Variants in RAB27A observed in about 807,000 individuals in gnomAD.
RAB27A encodes ras-related protein Rab-27A.
RAB27A carries 17 observed loss-of-function variants against 20.8 expected under a neutral mutation model. That is an observed-to-expected ratio of 0.82 (90% CI 0.56 to 1.23). RAB27A has a LOEUF of 1.23. Ranked by LOEUF, RAB27A falls within the 50% of genes most tolerant of loss-of-function variation. RAB27A has a pLI of 0.00. For synonymous variants in RAB27A, 85 were observed against 92.8 expected, an observed-to-expected ratio of 0.92 and a Z score of 0.48; for missense variants, 277 against 266.7, an observed-to-expected ratio of 1.04 and a Z score of -0.27.
Position 55,204,205 on chromosome 15 carries a change from C to T in RAB27A, c.*1302G>A, listed in dbSNP as rs1033618651. ...AACCACTTTAATAAATAAGACTTTT[C>T]ACCTAAATGAAATACCTTTGAATTT... On this transcript the variant is annotated 3_prime_UTR_variant, in exon 7 of 7. Transcript: ENST00000336787. The T allele has an allele frequency of 6.6e-6, 1 of 152,140 alleles. No individual in the cohort carries two copies. Among genetic ancestry groups the T allele is most frequent in the Non-Finnish European group, 1.5e-5 (1 of 68,010 alleles). The allele number at this position is 152,140 out of a possible 1,614,324, so 9.4% of individuals were successfully genotyped here.
Position 55,313,888 on chromosome 15 carries a change from G to T in RAB27A, c.-112+151C>A, listed in dbSNP as rs1339925006. ...CTCAGGAGGCTGAGGCAGGAGAATAGTGTGAACCCGGAAGGTGGAGGTTGC... is the reference window on the plus strand; with the variant it reads ...CTCAGGAGGCTGAGGCAGGAGAATATTGTGAACCCGGAAGGTGGAGGTTGC... On this transcript the variant is annotated intron_variant, in intron 2 of 5. Transcript: ENST00000563262. 5 of 152,258 alleles carry T rather than the reference G, an allele frequency of 3.3e-5. 1 individual carries two copies. Among genetic ancestry groups the T allele is most frequent in the Admixed American group, 2.6e-4 (4 of 15,232 alleles). 9.4% of individuals were successfully genotyped at this position (152,258 alleles called of 1,614,324 possible).
chr15:55,283,132 G>C (rs2072047212), intron 1 of RAB27A, among the ~76,000 whole-genome samples: 1 of 152,116 alleles, frequency 6.6e-6, no homozygotes, highest in Non-Finnish European at 1.5e-5. Flanking sequence ...TGACATTTTA[G>C]GCAGGATAAT....
At chr15:55,252,436 A>G (rs1200038247) in intron 2 of RAB27A, among the ~76,000 whole-genome samples, 1 of 152,010 alleles carries the variant, frequency 6.6e-6, no homozygotes, top group Non-Finnish European at 1.5e-5. Flanking sequence ...CCCCATCTCT[A>G]CTAAAAAATA....
intron 6 of RAB27A, among the ~76,000 whole-genome samples, chr15:55,207,624 T>C (rs546543430): frequency 1.6e-4 from 24 of 152,350 alleles, no homozygotes; most frequent in East Asian, 1.3e-3. Context: ...CATGTAGCTA[T>C]TGAGCACTTA....
At chr15:55,292,638 C>T (rs145347913), upstream of RAB27A, among the ~76,000 whole-genome samples, 43 of 152,270 alleles carry the variant, frequency 2.8e-4, no homozygotes, top group African/African-American at 9.9e-4. Context: ...GGAAGAAAAC[C>T]TAGTTGCAAC....
At position 55,244,204 on chromosome 15, in the gene RAB27A, C is replaced by G. The variant is rs1441055114; in HGVS notation, c.-22-9248G>C. 3.9e-5 allele frequency among the ~76,000 whole-genome samples: 6 copies of G among 152,062 alleles called. No individual in the cohort carries two copies. In the East Asian group the frequency reaches 9.6e-4, roughly 24 times the overall value. ...TGATGGGTGCCTGTAATCCCAGCTA[C>G]TCAGCGGGGTTGAGGCAGGAGAATC... On this transcript the variant is annotated intron_variant, in intron 2 of 6. Coordinates refer to ENST00000336787, the MANE Select transcript of RAB27A (RefSeq NM_183235.3).
upstream of RAB27A, chr15:55,290,129 G>A (rs1898272140): frequency 6.6e-6 from 1 of 152,314 alleles, no homozygotes; most frequent in Admixed American, 6.5e-5. Flanking sequence ...GGTGCGCGGC[G>A]AGGTGTCGTT....
At chr15:55,243,328 G>A (rs992190997) in intron 2 of RAB27A, among the ~76,000 whole-genome samples, 5 of 152,206 alleles carry the variant, frequency 3.3e-5, no homozygotes, top group Admixed American at 1.3e-4. Context: ...GCTCGGCCCC[G>A]TTTTCTCTCA....
intron 6 of RAB27A, among the ~76,000 whole-genome samples, chr15:55,210,881 T>C (rs1253690891): frequency 1.3e-5 from 2 of 152,150 alleles, no homozygotes; most frequent in East Asian, 3.8e-4. Context: ...TTTCTTCTAG[T>C]AGTTTCATAG....
At chr15:55,275,684 A>G (rs920406785) in intron 1 of RAB27A, among the ~76,000 whole-genome samples, 1 of 152,018 alleles carries the variant, frequency 6.6e-6, no homozygotes, top group Non-Finnish European at 1.5e-5. Context: ...AAATCTGATC[A>G]GGGGTTAATA....
At chr15:55,226,993 TACCA>T in intron 5 of RAB27A, among the ~76,000 whole-genome samples, 1 of 152,178 alleles carries the variant, frequency 6.6e-6, no homozygotes, top group South Asian at 2.1e-4. Flanking sequence ...GATTTGATAT[TACCA>T]CTTCTGACAC....
intron 6 of RAB27A, among the ~76,000 whole-genome samples, chr15:55,209,889 C>T (rs1446314766): frequency 6.8e-5 from 7 of 103,208 alleles, no homozygotes; most frequent in African/African-American, 4.6e-4. Context: ...TGTGTGTATA[C>T]ATATATACAC....
At chr15:55,219,068 T>C (rs1895445997) in intron 6 of RAB27A, among the ~76,000 whole-genome samples, 1 of 151,976 alleles carries the variant, frequency 6.6e-6, no homozygotes, top group Non-Finnish European at 1.5e-5. Context: ...TTTTTCTCTA[T>C]TTTCCTCAAC....
intron 2 of RAB27A, among the ~76,000 whole-genome samples, chr15:55,300,746 G>A (rs149660552): frequency 1.3e-5 from 2 of 152,228 alleles, no homozygotes; most frequent in Admixed American, 1.3e-4. Flanking sequence ...GGGGGCGAGG[G>A]CAGGATGGTA....
chr15:55,256,233 A>G (rs544067544), intron 2 of RAB27A, among the ~76,000 whole-genome samples: 2 of 151,934 alleles, frequency 1.3e-5, no homozygotes, highest in South Asian at 4.2e-4. Context: ...TGGGCAACAT[A>G]ATGAGATGCT....
chr15:55,273,201 G>A (rs1426585628), intron 1 of RAB27A, among the ~76,000 whole-genome samples: 1 of 152,008 alleles, frequency 6.6e-6, no homozygotes, highest in Non-Finnish European at 1.5e-5. Flanking sequence ...GAGGTCAGAA[G>A]TTCAAAACCA....
rs1347315682 is a variant in RAB27A, at chr15:55,205,707, T to C, written c.468-2A>G. On this transcript the variant is annotated splice_acceptor_variant, in intron 6 of 6. Coordinates refer to ENST00000336787, the MANE Select transcript of RAB27A (RefSeq NM_183235.3). LOFTEE classifies it high-confidence loss of function. ...GCACTAGTTTCAAAGTAGGGGATTCTGGAAGACAGAGACAACTGAGGTAAC... is the reference window on the plus strand; with the variant it reads ...GCACTAGTTTCAAAGTAGGGGATTCCGGAAGACAGAGACAACTGAGGTAAC... 1.9e-6 allele frequency: 3 copies of C among 1,612,108 alleles called. No individual in the cohort carries two copies. Among genetic ancestry groups the C allele is most frequent in the South Asian group, 1.1e-5 (1 of 91,034 alleles).
At chr15:55,229,210 T>C (rs1235480666) in intron 4 of RAB27A, among the ~76,000 whole-genome samples, 2 of 152,078 alleles carry the variant, frequency 1.3e-5, no homozygotes, top group African/African-American at 4.8e-5. Context: ...TCTCTCTCTC[T>C]CTCCCCACCC....
At chr15:55,258,951 A>C (rs565738538) in intron 2 of RAB27A, among the ~76,000 whole-genome samples, 2 of 152,034 alleles carry the variant, frequency 1.3e-5, no homozygotes, top group East Asian at 1.9e-4. Flanking sequence ...CAGCCTCCCA[A>C]GTAGCTGGGG....
Sources: gnomAD v4.1 joint callset for allele counts (sites outside exome capture counted in the v4.1 genomes callset) on GRCh38, gnomAD v4.1.1 for gene constraint, MANE v1.5 for transcripts, NCBI Gene and HGNC (gene_info 2026-07-23, HGNC 2026-07-21) for gene names.